LARP4: variants seen among roughly 807,000 people sequenced by gnomAD.
LARP4 encodes La ribonucleoprotein 4, also known as la-related protein 4.
In LARP4, 29 loss-of-function variants were observed where a neutral mutation model predicts 92.9. The ratio of observed to expected loss-of-function variants is 0.31; its 90% CI spans 0.23 to 0.43. LARP4 has a LOEUF of 0.43. Among genes scored for constraint, LARP4 ranks in the 20% least tolerant of loss-of-function variants. LARP4 has a pLI of 1.00. For synonymous variants in LARP4, 279 were observed against 284.1 expected, an observed-to-expected ratio of 0.98 and a Z score of 0.18; for missense variants, 732 against 860.0, an observed-to-expected ratio of 0.85 and a Z score of 1.86.
intron 1 of LARP4, among the ~76,000 whole-genome samples, chr12:50,405,328 G>T (rs904629610): frequency 6.6e-6 from 1 of 152,162 alleles, no homozygotes; most frequent in Non-Finnish European, 1.5e-5. Context: ...CAAATTGTTT[G>T]TAAGTTTGAA....
chr12:50,455,996 G>A (rs1954161154), intron 10 of LARP4, among the ~76,000 whole-genome samples: 1 of 152,124 alleles, frequency 6.6e-6, no homozygotes, highest in Non-Finnish European at 1.5e-5. Context: ...AGGTTGCAGT[G>A]AGCCGAGATC....
At chr12:50,418,727 G>A (rs1947256609) in intron 1 of LARP4, among the ~76,000 whole-genome samples, 1 of 152,082 alleles carries the variant, frequency 6.6e-6, no homozygotes, top group African/African-American at 2.4e-5. Flanking sequence ...GACCCATTTT[G>A]TTTTGTTTTT....
At chr12:50,465,974 C>T (rs1002040176) in intron 12 of LARP4, among the ~76,000 whole-genome samples, 58 of 151,938 alleles carry the variant, frequency 3.8e-4, no homozygotes, top group African/African-American at 1.4e-3. Flanking sequence ...TAGAAATGGT[C>T]AGGGGAAAAA....
intron 6 of LARP4, among the ~76,000 whole-genome samples, chr12:50,438,178 T>G (rs1026739147): frequency 1.3e-5 from 2 of 152,186 alleles, no homozygotes; most frequent in African/African-American, 4.8e-5. Flanking sequence ...TAAGAATGAA[T>G]GAAAAACTAG....
chr12:50,425,665 C>A (rs532063210), intron 1 of LARP4, among the ~76,000 whole-genome samples: 8 of 152,254 alleles, frequency 5.3e-5, no homozygotes, highest in African/African-American at 1.9e-4. Context: ...CCAAAGCTCT[C>A]TAGGAGCCAG....
intron 6 of LARP4, among the ~76,000 whole-genome samples, chr12:50,438,492 C>CAAA (rs11429986): frequency 1.0e-4 from 14 of 139,856 alleles, no homozygotes; most frequent in South Asian, 4.4e-4. Flanking sequence ...CTCTTTGTCT[C>CAAA]AAAAAAAAAA....
intron 10 of LARP4, among the ~76,000 whole-genome samples, chr12:50,460,613 T>A (rs114141336): frequency 2.0e-5 from 3 of 152,150 alleles, no homozygotes; most frequent in African/African-American, 7.2e-5. Context: ...CGTGAGCCAC[T>A]GTGTCCAGCC....
intron 12 of LARP4, among the ~76,000 whole-genome samples, chr12:50,466,640 T>C (rs938428562): frequency 1.3e-5 from 2 of 151,988 alleles, no homozygotes; most frequent in African/African-American, 4.8e-5. Flanking sequence ...ATAGCAAATT[T>C]AGGTAAAGTG....
At chr12:50,452,417 A>C (rs147124979) in intron 8 of LARP4, among the ~76,000 whole-genome samples, 17 of 152,122 alleles carry the variant, frequency 1.1e-4, no homozygotes, top group African/African-American at 3.6e-4. Flanking sequence ...CATGACCTCA[A>C]GTGCTTTGCC....
chr12:50,468,120 T>TGGG (rs1956404240), intron 13 of LARP4, among the ~76,000 whole-genome samples: 1 of 151,366 alleles, frequency 6.6e-6, no homozygotes, highest in Non-Finnish European at 1.5e-5. Flanking sequence ...GCTGGGATTA[T>TGGG]AGGCATGTGC....
chr12:50,468,199 C>G (rs1030784528), intron 13 of LARP4, among the ~76,000 whole-genome samples: 7 of 152,142 alleles, frequency 4.6e-5, no homozygotes, highest in Non-Finnish European at 1.0e-4. Context: ...AGGCTGGTCT[C>G]AAACTCCTGA....
chr12:50,432,897 A>T (rs1355196110), intron 4 of LARP4, among the ~76,000 whole-genome samples: 1 of 149,416 alleles, frequency 6.7e-6, no homozygotes, highest in Non-Finnish European at 1.5e-5. Context: ...GCAGTGTCTT[A>T]TCGGGGAGAC....
At position 50,477,448 on chromosome 12, in the gene LARP4, A is replaced by G. The variant is rs1957612074; in HGVS notation, c.*1584A>G. ...CAAATTGAAACTGTAAATTGTGAAC[A>G]CTGGAAAGCACCATTGTGACATAGA... is the stretch of plus-strand genomic sequence containing the variant. On this transcript the variant is annotated 3_prime_UTR_variant, in exon 16 of 16. Coordinates refer to ENST00000398473, the MANE Select transcript of LARP4 (RefSeq NM_052879.5). The G allele has an allele frequency of 6.6e-6, 1 of 152,584 alleles. No individual in the cohort carries two copies. Among genetic ancestry groups the G allele is most frequent in the African/African-American group, 2.4e-5 (1 of 41,450 alleles). 9.5% of individuals were successfully genotyped at this position (152,584 alleles called of 1,614,324 possible).
intron 12 of LARP4, among the ~76,000 whole-genome samples, chr12:50,464,850 C>T (rs1363452413): frequency 1.3e-5 from 2 of 149,730 alleles, no homozygotes; most frequent in Non-Finnish European, 3.0e-5. Context: ...GCCACCGTGC[C>T]TGGCTAATTT....
At chr12:50,459,749 G>C (rs919640885) in intron 10 of LARP4, among the ~76,000 whole-genome samples, 7 of 150,092 alleles carry the variant, frequency 4.7e-5, no homozygotes, top group Non-Finnish European at 7.4e-5. Flanking sequence ...TCTTGAACCC[G>C]GGAGGCGGAG....
intron 12 of LARP4, among the ~76,000 whole-genome samples, chr12:50,463,564 G>GC (rs929391015): frequency 1.3e-5 from 2 of 151,970 alleles, no homozygotes; most frequent in Non-Finnish European, 2.9e-5. Context: ...TCCAGCCTGA[G>GC]CAACAGAGTG....
chr12:50,439,188 C>T (rs1950854704), intron 6 of LARP4, among the ~76,000 whole-genome samples: 1 of 152,184 alleles, frequency 6.6e-6, no homozygotes, highest in Non-Finnish European at 1.5e-5. Flanking sequence ...ATCTGTGCAC[C>T]TTGGCCTCCC....
At chr12:50,449,805 C>A (rs1445365057) in intron 8 of LARP4, among the ~76,000 whole-genome samples, 1 of 151,582 alleles carries the variant, frequency 6.6e-6, no homozygotes, top group South Asian at 2.1e-4. Context: ...GATTTTTTAG[C>A]CAATTTTTAT....
At chr12:50,470,967 A>G (rs1956865333) in intron 13 of LARP4, among the ~76,000 whole-genome samples, 2 of 152,098 alleles carry the variant, frequency 1.3e-5, no homozygotes, top group Non-Finnish European at 2.9e-5. Flanking sequence ...GTATTGTCAC[A>G]TATTCTTTGT....
Sources: gnomAD v4.1 joint callset for allele counts (sites outside exome capture counted in the v4.1 genomes callset) on GRCh38, gnomAD v4.1.1 for gene constraint, MANE v1.5 for transcripts, NCBI Gene and HGNC (gene_info 2026-07-23, HGNC 2026-07-21) for gene names.